PHF2: variants seen among roughly 807,000 people sequenced by gnomAD.
The protein encoded by PHF2 is lysine-specific demethylase PHF2.
A neutral mutation model predicts 120.5 loss-of-function variants in PHF2; 27 were observed. The ratio of observed to expected loss-of-function variants is 0.22; its 90% CI spans 0.17 to 0.31. The LOEUF (loss-of-function observed/expected upper bound fraction) is 0.31. Ranked by LOEUF, PHF2 falls within the 10% of genes least tolerant of loss-of-function variation. The pLI, the probability that PHF2 is intolerant of heterozygous loss-of-function variation, is 1.00. For synonymous variants in PHF2, 568 were observed against 592.5 expected (o/e 0.96, Z 0.60); for missense variants, 1,024 against 1,434.8 (o/e 0.71, Z 4.63).
Position 93,654,430 on chromosome 9 carries a change from T to C in PHF2, c.807T>C (p.Tyr269=), listed in dbSNP as rs1442658082. 6.2e-7 allele frequency: 1 copy of C among 1,613,420 alleles called. No individual in the cohort carries two copies. The part of the protein sequence containing the change: ...YHVLKGEKTF[Y]LIRPASANIS... ...CTTGGCAGGGGGAGAAGACCTTCTA[T>C]CTCATCAGGCCGGCCTCGGCCAACA... is the stretch of plus-strand genomic sequence containing the variant. Residue 269 remains tyrosine (Y), a synonymous_variant, in exon 7 of 22, where the codon TAT becomes TAC. Transcript: ENST00000359246.
At chr9:93,596,567 G>A (rs980338239) in intron 1 of PHF2, among the ~76,000 whole-genome samples, 5 of 151,968 alleles carry the variant, frequency 3.3e-5, no homozygotes, top group Admixed American at 2.6e-4. Flanking sequence ...GGCAGGGCTC[G>A]AGTGCTACTC....
intron 1 of PHF2, among the ~76,000 whole-genome samples, chr9:93,624,556 GATA>G (rs1825876686): frequency 6.6e-6 from 1 of 151,786 alleles, no homozygotes; most frequent in African/African-American, 2.4e-5. Flanking sequence ...TGATAATGAT[GATA>G]ATGATGGTGT....
At chr9:93,615,929 T>C (rs1825723968) in intron 1 of PHF2, among the ~76,000 whole-genome samples, 1 of 152,170 alleles carries the variant, frequency 6.6e-6, no homozygotes, top group South Asian at 2.1e-4. Flanking sequence ...GCCATTCTGG[T>C]TTTAAAAATA....
At chr9:93,663,175 G>T in intron 13 of PHF2, 149 bp downstream of exon 13, 3 of 1,130,412 alleles carry the variant, frequency 2.7e-6, no homozygotes, top group Non-Finnish European at 3.8e-6. Flanking sequence ...GTGTGCTTAC[G>T]TGGGTCTGAG....
chr9:93,577,932 G>C (rs1331982048), intron 1 of PHF2, among the ~76,000 whole-genome samples: 2 of 152,188 alleles, frequency 1.3e-5, no homozygotes, highest in African/African-American at 4.8e-5. Context: ...GGCCAGGGCT[G>C]TATGCCCTCT....
chr9:93,601,046 G>A (rs1203036458), intron 1 of PHF2, among the ~76,000 whole-genome samples: 1 of 152,228 alleles, frequency 6.6e-6, no homozygotes, highest in Non-Finnish European at 1.5e-5. Flanking sequence ...GTGCTATGGT[G>A]GTGTAAGGGT....
chr9:93,659,242 C>T (rs1826516367), intron 10 of PHF2, among the ~76,000 whole-genome samples: 1 of 152,226 alleles, frequency 6.6e-6, no homozygotes, highest in Non-Finnish European at 1.5e-5. Flanking sequence ...TGGCCTCTGA[C>T]CAGGAAGAAG....
chr9:93,664,221 C>T (rs1826634097), intron 14 of PHF2, among the ~76,000 whole-genome samples: 1 of 152,126 alleles, frequency 6.6e-6, no homozygotes, highest in Non-Finnish European at 1.5e-5. Flanking sequence ...GTGCTGAGAA[C>T]GTGACCCACC....
In PHF2 at chr9:93,673,716, C is replaced by T; in HGVS notation, c.2480C>T (p.Ala827Val). Residue 827 changes from alanine (A) to valine (V), a missense_variant, in exon 18 of 22, where the codon GCC (alanine) becomes GTC (valine). Ala to Val is a moderately conservative substitution (Grantham distance 64). Coordinates refer to ENST00000359246, the MANE Select transcript of PHF2 (RefSeq NM_005392.4). ...CAGGCCAAGGGGAGCTCGCTGGCTG[C>T]CCATGGTGCCCGGAAGAATGGGGGT... ...AGQAKGSSLA[A>V]HGARKNGGGS... 1 of 1,613,240 alleles carries T rather than the reference C, an allele frequency of 6.2e-7. No homozygotes were observed. Among genetic ancestry groups the T allele is most frequent in the East Asian group, 2.2e-5 (1 of 44,872 alleles).
intron 2 of PHF2, among the ~76,000 whole-genome samples, chr9:93,635,826 G>A (rs569717917): frequency 1.3e-5 from 2 of 152,354 alleles, no homozygotes; most frequent in South Asian, 4.1e-4. Context: ...TGGGCAGTGT[G>A]AGGAAGTAGG....
chr9:93,669,340 G>T (rs1564402220), intron 17 of PHF2, among the ~76,000 whole-genome samples: 1 of 152,252 alleles, frequency 6.6e-6, no homozygotes, highest in South Asian at 2.1e-4. Flanking sequence ...GGCTGGGAGA[G>T]CCTGCTTCTG....
At chr9:93,625,474 T>G (rs1234308762) in intron 1 of PHF2, among the ~76,000 whole-genome samples, 2 of 142,546 alleles carry the variant, frequency 1.4e-5, no homozygotes, top group Non-Finnish European at 3.1e-5. Flanking sequence ...GTACCTTTTT[T>G]TTTTTTTTTT....
chr9:93,677,012 C>T lies in PHF2; in HGVS notation c.3202+49C>T. 2 of 1,465,076 alleles carry T rather than the reference C, an allele frequency of 1.4e-6. No individual in the cohort carries two copies. The highest frequency in any genetic ancestry group is 2.8e-5 in the South Asian group (2 of 70,872). The allele number at this position is 1,465,076 out of a possible 1,614,324, so 90.8% of individuals were successfully genotyped here. A position where few individuals can be genotyped will look rare whatever the true frequency, so the allele number is the denominator to read the frequency against. On this transcript the variant is annotated intron_variant, in intron 21 of 21. Transcript: ENST00000359246. This position sits in a 1 kb window ranked among gnomAD's most constrained non-coding sequence, Gnocchi z 4.4. ...CTGCAGCCCCCCTGCCCTGCCTGCC[C>T]CCATGGGCAGCCCCAGACATGCAGA...
At chr9:93,645,872 C>A in intron 4 of PHF2, 83 bp downstream of exon 4, 1 of 1,435,042 alleles carries the variant, frequency 7.0e-7, no homozygotes, top group South Asian at 1.4e-5. Flanking sequence ...TGTTTCCCCA[C>A]GCCCTGGCTG....
chr9:93,674,558 C>G (rs765806618), intron 18 of PHF2, among the ~76,000 whole-genome samples: 2 of 152,182 alleles, frequency 1.3e-5, no homozygotes, highest in African/African-American at 4.8e-5. Flanking sequence ...GCTGTAGCTT[C>G]CTCCAGGTGG....
chr9:93,640,852 A>T (rs964057532), intron 3 of PHF2, among the ~76,000 whole-genome samples: 1 of 152,202 alleles, frequency 6.6e-6, no homozygotes, highest in Non-Finnish European at 1.5e-5. Flanking sequence ...TGTTAATCTG[A>T]GTAGGACCTG....
intron 13 of PHF2, 132 bp downstream of exon 13, chr9:93,663,158 CTGTGGGG>C: frequency 7.8e-7 from 1 of 1,282,674 alleles, no homozygotes; most frequent in Non-Finnish European, 1.1e-6. Flanking sequence ...GTAGGTAGTG[CTGTGGGG>C]TGTGCTTACG....
chr9:93,644,136 C>T (rs1042275834), intron 3 of PHF2, among the ~76,000 whole-genome samples: 3 of 152,152 alleles, frequency 2.0e-5, no homozygotes, highest in Admixed American at 2.0e-4. Context: ...CCTGTAATCC[C>T]AGCACTTTGG....
At chr9:93,647,672 T>A (rs550296516) in intron 4 of PHF2, among the ~76,000 whole-genome samples, 1 of 152,256 alleles carries the variant, frequency 6.6e-6, no homozygotes, top group African/African-American at 2.4e-5. Context: ...GGTGGATTTC[T>A]TGAGGCCAGG....
Sources: gnomAD v4.1 joint callset for allele counts (sites outside exome capture counted in the v4.1 genomes callset) on GRCh38, gnomAD v4.1.1 for gene constraint, Gnocchi (gnomAD v3.1) non-coding constraint, MANE v1.5 for transcripts, NCBI Gene and HGNC (gene_info 2026-07-23, HGNC 2026-07-21) for gene names.